The following SMCO2 variants were observed in gnomAD, a reference collection of about 807,000 sequenced individuals.
SMCO2 encodes the protein single-pass membrane protein with coiled-coil domains 2, also known as single-pass membrane and coiled-coil domain-containing protein 2.
SMCO2 carries 25 observed loss-of-function variants against 29.5 expected under a neutral mutation model. That is an observed-to-expected ratio of 0.85 (90% CI 0.62 to 1.18). SMCO2 has a LOEUF of 1.18. Ranked by LOEUF, SMCO2 falls within the 50% of genes most tolerant of loss-of-function variation. The probability of loss-of-function intolerance (pLI) is 0.00; values close to 1 mark genes in which losing one functional copy is unlikely to be tolerated. For missense variants in SMCO2, 348 were observed against 344.5 expected, an observed-to-expected ratio of 1.01 and a Z score of -0.08; for synonymous variants, 117 against 123.3, an observed-to-expected ratio of 0.95 and a Z score of 0.34.
At chr12:27,473,988 T>C (rs1334510215) in intron 3 of SMCO2, among the ~76,000 whole-genome samples, 1 of 152,226 alleles carries the variant, frequency 6.6e-6, no homozygotes, top group Non-Finnish European at 1.5e-5. Context: ...ATTGTATTGA[T>C]CAAACTCATA....
At chr12:27,474,981 A>C (rs906544964) in intron 4 of SMCO2, 68 bp downstream of exon 4, 2 of 1,507,472 alleles carry the variant, frequency 1.3e-6, no homozygotes, top group Non-Finnish European at 1.8e-6. Context: ...ATTTAAGCAG[A>C]TAACTTAGGG....
the SMCO2 span, among the ~76,000 whole-genome samples, chr12:27,455,321 G>A: frequency 3.3e-5 from 5 of 152,092 alleles, no homozygotes; most frequent in South Asian, 4.1e-4. Flanking sequence ...TCTGAATATC[G>A]AAATATTTAT....
chr12:27,491,422 T>G (rs1481771204), intron 5 of SMCO2, among the ~76,000 whole-genome samples: 1 of 152,176 alleles, frequency 6.6e-6, no homozygotes, highest in Non-Finnish European at 1.5e-5. Flanking sequence ...CTTTGATAAG[T>G]GCTGTATGAA....
At chr12:27,476,161 A>G (rs182587904) in intron 4 of SMCO2, among the ~76,000 whole-genome samples, 6 of 152,124 alleles carry the variant, frequency 3.9e-5, no homozygotes, top group Admixed American at 2.0e-4. Context: ...ATACATTTCT[A>G]TATTTTCCAA....
chr12:27,425,078 T>G, the SMCO2 span: 1 of 152,338 alleles, frequency 6.6e-6, no homozygotes, highest in African/African-American at 2.4e-5. Flanking sequence ...TGAACTCACT[T>G]GAGAGTGTAT....
intron 1 of SMCO2, among the ~76,000 whole-genome samples, chr12:27,468,157 T>C (rs1016411768): frequency 2.7e-4 from 41 of 152,062 alleles, no homozygotes; most frequent in African/African-American, 9.9e-4. Flanking sequence ...CTGTGAAGTG[T>C]TGATGCTGGA....
At chr12:27,426,386 G>C in the SMCO2 span, among the ~76,000 whole-genome samples, 1 of 152,178 alleles carries the variant, frequency 6.6e-6, no homozygotes, top group Non-Finnish European at 1.5e-5. Context: ...ATTGTGTTCA[G>C]GTGATGTCTA....
chr12:27,456,166 G>A, the SMCO2 span, among the ~76,000 whole-genome samples: 1 of 152,186 alleles, frequency 6.6e-6, no homozygotes, highest in Non-Finnish European at 1.5e-5. Flanking sequence ...GGTGAGCCGA[G>A]ATCGCACCTT....
intron 4 of SMCO2, among the ~76,000 whole-genome samples, chr12:27,475,133 C>G (rs1453221892): frequency 6.6e-6 from 1 of 152,090 alleles, no homozygotes; most frequent in Non-Finnish European, 1.5e-5. Context: ...AAAGAAAGAG[C>G]AAACTCTTCT....
At chr12:27,424,895 G>A in the SMCO2 span, 1 of 152,192 alleles carries the variant, frequency 6.6e-6, no homozygotes, top group African/African-American at 2.4e-5. Flanking sequence ...TATGATTTTT[G>A]TGCCTACAAT....
the SMCO2 span, among the ~76,000 whole-genome samples, chr12:27,447,491 C>T: frequency 1.8e-4 from 27 of 152,260 alleles, 1 homozygote; most frequent in African/African-American, 5.1e-4. Flanking sequence ...GGTGCGGTGG[C>T]TCACACCTGT....
intron 5 of SMCO2, among the ~76,000 whole-genome samples, chr12:27,493,573 C>A (rs2135574812): frequency 6.6e-6 from 1 of 152,252 alleles, no homozygotes; most frequent in South Asian, 2.1e-4. Flanking sequence ...ATCTTTGGAA[C>A]TCATTTTTCT....
intron 1 of SMCO2, 131 bp from the exon 2 acceptor site, chr12:27,470,490 TG>T: frequency 1.1e-6 from 1 of 935,026 alleles, no homozygotes; most frequent in Non-Finnish European, 1.5e-6. Context: ...TCCTTTACGA[TG>T]AACAGCCAGT....
At chr12:27,488,430 G>A in intron 4 of SMCO2, 30 bp from the exon 6 acceptor site, 1 of 1,409,142 alleles carries the variant, frequency 7.1e-7, no homozygotes, top group South Asian at 1.6e-5. Flanking sequence ...TTCTTAATCT[G>A]CAGGCCTTAG....
intron 5 of SMCO2, among the ~76,000 whole-genome samples, chr12:27,490,421 T>G (rs977166550): frequency 7.9e-5 from 12 of 152,236 alleles, no homozygotes; most frequent in Non-Finnish European, 1.6e-4. Flanking sequence ...GGAAATATTC[T>G]ATATCTTCTT....
the SMCO2 span, among the ~76,000 whole-genome samples, chr12:27,444,480 G>C: frequency 1.3e-5 from 2 of 152,086 alleles, no homozygotes; most frequent in Non-Finnish European, 2.9e-5. Context: ...GGCCATCAAA[G>C]CAAAAATAGA....
At chr12:27,463,522 C>T (rs1028531204), upstream of SMCO2, among the ~76,000 whole-genome samples, 1 of 152,182 alleles carries the variant, frequency 6.6e-6, no homozygotes, top group African/African-American at 2.4e-5. Context: ...CCGCCTCAGC[C>T]TCCCGAAGTG....
intron 5 of SMCO2, among the ~76,000 whole-genome samples, chr12:27,491,765 G>A (rs546686455): frequency 2.0e-5 from 3 of 150,878 alleles, no homozygotes; most frequent in East Asian, 3.9e-4. Flanking sequence ...AGACAATGGC[G>A]CTATCTCGGC....
chr12:27,478,013 T>C (rs1008604679), intron 4 of SMCO2, among the ~76,000 whole-genome samples: 1 of 152,190 alleles, frequency 6.6e-6, no homozygotes, highest in African/African-American at 2.4e-5. Context: ...TCTATACATC[T>C]GGTGTAATAG....
Sources: allele counts gnomAD v4.1 joint callset (sites outside exome capture counted in the v4.1 genomes callset), GRCh38; gene constraint gnomAD v4.1.1; transcripts MANE v1.5; gene names NCBI Gene and HGNC (gene_info 2026-07-23, HGNC 2026-07-21).